Variants in TGFA observed in about 807,000 individuals in gnomAD.
TGFA encodes protransforming growth factor alpha.
TGFA carries 12 observed loss-of-function variants against 21.7 expected under a neutral mutation model. The ratio of observed to expected loss-of-function variants is 0.55; its 90% CI spans 0.35 to 0.90. The LOEUF is 0.90. Ranked by LOEUF, TGFA falls within the 40% of genes least tolerant of loss-of-function variation. TGFA has a pLI of 0.01. For synonymous variants in TGFA, 79 were observed against 88.1 expected (o/e 0.90, Z 0.58); for missense variants, 178 against 210.8 (o/e 0.84, Z 0.96).
At chr2:70,546,825 G>A (rs1259492516) in intron 1 of TGFA, among the ~76,000 whole-genome samples, 1 of 152,062 alleles carries the variant, frequency 6.6e-6, no homozygotes, top group Admixed American at 6.6e-5. Context: ...AAAGGGCTGG[G>A]ATTACAGGTG....
At chr2:70,504,750 A>G (rs1671870094) in intron 2 of TGFA, among the ~76,000 whole-genome samples, 4 of 152,096 alleles carry the variant, frequency 2.6e-5, no homozygotes, top group Admixed American at 2.6e-4. Context: ...AAAGAGTCAC[A>G]CAGTTATTTA....
At chr2:70,482,344 A>T (rs1284280546) in intron 2 of TGFA, among the ~76,000 whole-genome samples, 1 of 152,156 alleles carries the variant, frequency 6.6e-6, no homozygotes, top group Non-Finnish European at 1.5e-5. Context: ...TTGCCTAAAG[A>T]TGTAGGGCTA....
intron 2 of TGFA, among the ~76,000 whole-genome samples, chr2:70,498,290 T>C (rs1367702445): frequency 6.6e-6 from 1 of 152,262 alleles, no homozygotes; most frequent in Non-Finnish European, 1.5e-5. Flanking sequence ...ATGGATTCCT[T>C]ATGCTGTTCA....
At chr2:70,519,241 G>A (rs1185945387) in intron 1 of TGFA, among the ~76,000 whole-genome samples, 1 of 152,128 alleles carries the variant, frequency 6.6e-6, no homozygotes, top group Non-Finnish European at 1.5e-5. Flanking sequence ...GTACGTAGAC[G>A]GTGGGAATCC....
At chr2:70,466,746 A>G (rs932088371) in intron 2 of TGFA, among the ~76,000 whole-genome samples, 92 of 152,338 alleles carry the variant, frequency 6.0e-4, no homozygotes, top group South Asian at 2.7e-3. Flanking sequence ...TGTTCGTGGC[A>G]GGCCTATTCA....
intron 1 of TGFA, among the ~76,000 whole-genome samples, chr2:70,532,690 T>TCTCTTAGCCCATCCC (rs1231290038): frequency 6.6e-6 from 1 of 152,086 alleles, no homozygotes; most frequent in Non-Finnish European, 1.5e-5. Flanking sequence ...CTGCCCATCC[T>TCTCTTAGCCCATCCC]CTCTTAGCCC....
intron 4 of TGFA, among the ~76,000 whole-genome samples, chr2:70,455,252 T>A (rs1428853628): frequency 6.6e-6 from 1 of 152,204 alleles, no homozygotes; most frequent in Admixed American, 6.5e-5. Context: ...GTGGCTACTG[T>A]CAACAAGCTG....
chr2:70,529,905 A>G (rs1672766100), intron 1 of TGFA, among the ~76,000 whole-genome samples: 1 of 151,716 alleles, frequency 6.6e-6, no homozygotes, highest in Admixed American at 6.6e-5. Flanking sequence ...CCACTGGGAC[A>G]TGAGAGTTGT....
intron 2 of TGFA, among the ~76,000 whole-genome samples, chr2:70,479,679 T>C (rs145049027): frequency 3.4e-4 from 52 of 152,266 alleles, no homozygotes; most frequent in African/African-American, 1.2e-3. Context: ...TCCTGAGTTC[T>C]GGGAGAAATT....
At chr2:70,505,678 G>A (rs1553500044) in intron 2 of TGFA, among the ~76,000 whole-genome samples, 2 of 151,536 alleles carry the variant, frequency 1.3e-5, no homozygotes, top group Non-Finnish European at 2.9e-5. Context: ...TGACAACTAG[G>A]AAGGAAAAAA....
At chr2:70,461,360 C>G (rs1277050396) in intron 3 of TGFA, among the ~76,000 whole-genome samples, 1 of 152,208 alleles carries the variant, frequency 6.6e-6, no homozygotes, top group Admixed American at 6.5e-5. Context: ...AAGAAAACTG[C>G]CCCCAATCCT....
intron 1 of TGFA, among the ~76,000 whole-genome samples, chr2:70,534,334 A>G (rs563955597): frequency 1.6e-4 from 24 of 152,340 alleles, no homozygotes; most frequent in Admixed American, 5.9e-4. Flanking sequence ...AAAGTGTTAA[A>G]GTAAAAGTGT....
rs147134335 is a variant in TGFA at position 70,509,875 on chromosome 2, A to G, written c.94+4984T>C. On this transcript the variant is annotated intron_variant, in intron 2 of 5. Transcript: ENST00000295400. ...CCCAACAACTTCTTAACCAGGGTGC[A>G]TTCTGTCCCTCTTAAGGGGCATTTA... 2.6e-3 allele frequency among the ~76,000 whole-genome samples: 391 copies of G among 152,328 alleles called. 2 individuals are homozygous for G. The highest frequency in any genetic ancestry group is 9.1e-3 in the African/African-American group (377 of 41,588).
chr2:70,512,353 G>A (rs1254892701), intron 2 of TGFA, among the ~76,000 whole-genome samples: 4 of 152,094 alleles, frequency 2.6e-5, no homozygotes, highest in Non-Finnish European at 5.9e-5. Context: ...GAGGGCAGAC[G>A]GGCAGCCACC....
intron 1 of TGFA, among the ~76,000 whole-genome samples, chr2:70,531,564 C>A (rs1054231642): frequency 6.6e-6 from 1 of 152,196 alleles, no homozygotes; most frequent in Admixed American, 6.5e-5. Context: ...AAATACACTG[C>A]GCTTGTATCA....
At chr2:70,511,759 AATGACAGAATG>A (rs1195842915) in intron 2 of TGFA, among the ~76,000 whole-genome samples, 1 of 152,144 alleles carries the variant, frequency 6.6e-6, no homozygotes, top group Non-Finnish European at 1.5e-5. Flanking sequence ...ATCAAAGAAA[AATGACAGAATG>A]ATGCTAATTG....
intron 2 of TGFA, among the ~76,000 whole-genome samples, chr2:70,508,589 G>A (rs1389280085): frequency 6.6e-6 from 1 of 152,176 alleles, no homozygotes; most frequent in Non-Finnish European, 1.5e-5. Context: ...TGATATGGGT[G>A]TAATTCATGC....
intron 4 of TGFA, among the ~76,000 whole-genome samples, chr2:70,454,564 T>C (rs923248713): frequency 1.3e-5 from 2 of 152,190 alleles, no homozygotes; most frequent in East Asian, 3.9e-4. Context: ...GGTGGACTTG[T>C]CCTTGTCACT....
chr2:70,455,962 A>C (rs905310739), intron 4 of TGFA, among the ~76,000 whole-genome samples: 1 of 152,266 alleles, frequency 6.6e-6, no homozygotes, highest in Non-Finnish European at 1.5e-5. Flanking sequence ...ACTTCTGCAG[A>C]GAGGAAGTAC....
Sources: gnomAD v4.1 joint callset for allele counts (sites outside exome capture counted in the v4.1 genomes callset) on GRCh38, gnomAD v4.1.1 for gene constraint, MANE v1.5 for transcripts, NCBI Gene and HGNC (gene_info 2026-07-23, HGNC 2026-07-21) for gene names.